LOC128092252: variants seen among roughly 807,000 people sequenced by gnomAD.
chr15:50,677,565 C>T, the LOC128092252 span, among the ~76,000 whole-genome samples: 1 of 151,358 alleles, frequency 6.6e-6, no homozygotes, highest in Non-Finnish European at 1.5e-5. Context: ...ATGGTGAAAC[C>T]CCATCCCTAC....
the LOC128092252 span, among the ~76,000 whole-genome samples, chr15:50,662,575 C>T: frequency 0.014 from 2,117 of 152,162 alleles, 47 homozygotes; most frequent in African/African-American, 0.049. Flanking sequence ...TTGCTTTCTT[C>T]GACATGAACC....
the LOC128092252 span, among the ~76,000 whole-genome samples, chr15:50,651,119 A>G: frequency 1.3e-5 from 2 of 152,114 alleles, no homozygotes; most frequent in Admixed American, 1.3e-4. Context: ...CCCAGGAGGC[A>G]GAGGTTGCAG....
the LOC128092252 span, among the ~76,000 whole-genome samples, chr15:50,656,001 GAAAAAAACAAAAA>G: frequency 1.1e-5 from 1 of 93,870 alleles, no homozygotes; most frequent in Admixed American, 1.2e-4. Flanking sequence ...CTCAAAAAAA[GAAAAAAACAAAAA>G]AAAAAAACCC....
At chr15:50,668,447 C>G in the LOC128092252 span, among the ~76,000 whole-genome samples, 1 of 152,084 alleles carries the variant, frequency 6.6e-6, no homozygotes, top group African/African-American at 2.4e-5. Context: ...TTCTCTCTAC[C>G]CCATTTCTCA....
the LOC128092252 span, among the ~76,000 whole-genome samples, chr15:50,673,250 T>C: frequency 0.022 from 3,317 of 152,228 alleles, 118 homozygotes; most frequent in African/African-American, 0.077. Flanking sequence ...TATACACCTA[T>C]ACTATTTTTT....
the LOC128092252 span, among the ~76,000 whole-genome samples, chr15:50,650,061 C>T: frequency 2.0e-5 from 3 of 151,548 alleles, no homozygotes; most frequent in Non-Finnish European, 4.4e-5. Context: ...GGCATGGTGG[C>T]GCGTGCCTGT....
At chr15:50,681,234 G>A in the LOC128092252 span, among the ~76,000 whole-genome samples, 2 of 145,108 alleles carry the variant, frequency 1.4e-5, no homozygotes, top group East Asian at 3.9e-4. Context: ...CTGGATGACC[G>A]AGCAAGACTT....
chr15:50,678,069 C>T, the LOC128092252 span, among the ~76,000 whole-genome samples: 1 of 147,928 alleles, frequency 6.8e-6, no homozygotes, highest in Non-Finnish European at 1.5e-5. Flanking sequence ...GAAACCACGT[C>T]TCTACTAAAA....
At chr15:50,672,983 T>C in the LOC128092252 span, among the ~76,000 whole-genome samples, 1 of 151,274 alleles carries the variant, frequency 6.6e-6, no homozygotes, top group South Asian at 2.1e-4. Context: ...ATGTGTTTTA[T>C]ACGAAGTGTT....
chr15:50,683,742 A>G, the LOC128092252 span, among the ~76,000 whole-genome samples: 1 of 152,146 alleles, frequency 6.6e-6, no homozygotes, highest in East Asian at 1.9e-4. Context: ...ATAAAACAAC[A>G]ACAACAAAAA....
the LOC128092252 span, among the ~76,000 whole-genome samples, chr15:50,682,173 C>CAAAAAAAA: frequency 0.013 from 836 of 63,464 alleles, 55 homozygotes; most frequent in African/African-American, 0.052. Context: ...AACTCAGTCT[C>CAAAAAAAA]AAAAAAAAAA....
the LOC128092252 span, chr15:50,663,188 G>A: frequency 1.6e-6 from 1 of 632,506 alleles, no homozygotes; most frequent in Non-Finnish European, 2.7e-6. Flanking sequence ...GAGAGCAATG[G>A]TGTGATCTTG....
At chr15:50,649,976 C>T in the LOC128092252 span, among the ~76,000 whole-genome samples, 2 of 151,962 alleles carry the variant, frequency 1.3e-5, no homozygotes, top group Non-Finnish European at 2.9e-5. Context: ...GGGCAGATTA[C>T]CTGAGGTCAG....
At chr15:50,652,005 A>G in the LOC128092252 span, among the ~76,000 whole-genome samples, 6 of 152,034 alleles carry the variant, frequency 3.9e-5, no homozygotes, top group South Asian at 4.1e-4. Context: ...CAGCAAATTA[A>G]ACTCAAAGTA....
the LOC128092252 span, among the ~76,000 whole-genome samples, chr15:50,661,434 G>GCTT: frequency 1.3e-5 from 2 of 152,106 alleles, no homozygotes; most frequent in Non-Finnish European, 2.9e-5. Flanking sequence ...TTAATGTATT[G>GCTT]AAACTCTACG....
the LOC128092252 span, chr15:50,657,888 T>C: frequency 7.7e-7 from 1 of 1,298,952 alleles, no homozygotes; most frequent in South Asian, 1.4e-5. Context: ...GTATATAAAA[T>C]ACATAAAATA....
chr15:50,661,989 A>T, the LOC128092252 span, among the ~76,000 whole-genome samples: 1 of 152,194 alleles, frequency 6.6e-6, no homozygotes, highest in East Asian at 1.9e-4. Context: ...AGGCCAAGGC[A>T]GGCAGATGAC....
the LOC128092252 span, among the ~76,000 whole-genome samples, chr15:50,685,747 A>G: frequency 1.3e-5 from 2 of 152,150 alleles, no homozygotes; most frequent in Non-Finnish European, 2.9e-5. Flanking sequence ...ATCCAAAAAT[A>G]AAAAGCTCTA....
chr15:50,649,812 G>C, the LOC128092252 span, among the ~76,000 whole-genome samples: 3 of 152,126 alleles, frequency 2.0e-5, no homozygotes, highest in Admixed American at 2.0e-4. Flanking sequence ...AAGGCAGCTA[G>C]AGTTTGTGAG....
Sources: allele counts gnomAD v4.1 joint callset (sites outside exome capture counted in the v4.1 genomes callset), GRCh38; gene constraint gnomAD v4.1.1; transcripts MANE v1.5.